Variants in PCDHGA4 observed in about 807,000 individuals in gnomAD.
PCDHGA4 encodes the protein protocadherin gamma-A4.
PCDHGA4 carries 38 observed loss-of-function variants against 54.6 expected under a neutral mutation model. That is an observed-to-expected ratio of 0.70 (90% CI 0.54 to 0.91). PCDHGA4 has a LOEUF of 0.91. PCDHGA4 is among the 40% of genes least tolerant of loss of function. The probability of loss-of-function intolerance (pLI) is 0.00; values close to 1 mark genes in which losing one functional copy is unlikely to be tolerated. For synonymous variants in PCDHGA4, 511 were observed against 512.9 expected (o/e 1.00, Z 0.05); for missense variants, 1,298 against 1,220.9 (o/e 1.06, Z -0.94).
chr5:141,392,622 A>ACTCACAT, intron 1 of PCDHGA4: 1 of 558,650 alleles, frequency 1.8e-6, no homozygotes, highest in Non-Finnish European at 3.0e-6. Context: ...AACCGAAAAC[A>ACTCACAT]CTCAGATCTC....
At position 141,491,305 on chromosome 5, in the gene PCDHGA4, G is replaced by T. The variant is rs1461861151; in HGVS notation, c.2515-3502G>T. 6.2e-7 allele frequency: 1 copy of T among 1,614,176 alleles called. No homozygotes were observed. Among genetic ancestry groups the T allele is most frequent in the African/African-American group, 1.3e-5 (1 of 75,048 alleles). ...CCTCATACACCCTCCTGAGCGTTCA[G>T]ACCTTACCCTTTACCTCATTGTGGC... On this transcript the variant is annotated intron_variant, in intron 1 of 3. Coordinates refer to ENST00000571252, the MANE Select transcript of PCDHGA4 (RefSeq NM_018917.4). This position sits in a 1 kb window ranked among gnomAD's most constrained non-coding sequence, Gnocchi z 6.9.
chr5:141,393,947 G>C, intron 1 of PCDHGA4: 1 of 1,613,972 alleles, frequency 6.2e-7, no homozygotes, highest in South Asian at 1.1e-5. Context: ...ACTCTGGAAA[G>C]AATGGTCAAG....
At chr5:141,414,919 G>A (rs2095801962) in intron 1 of PCDHGA4, 2 of 1,614,050 alleles carry the variant, frequency 1.2e-6, no homozygotes, top group African/African-American at 2.7e-5. Context: ...CGTGGAGCTG[G>A]CGCCCCGCTC....
chr5:141,399,831 TG>T (rs1368149251), intron 1 of PCDHGA4: 1 of 1,613,172 alleles, frequency 6.2e-7, no homozygotes, highest in South Asian at 1.1e-5. Flanking sequence ...CCGACGGCTC[TG>T]CGCTCTTCGA....
At chr5:141,400,279 G>C (rs1561676065) in intron 1 of PCDHGA4, 1 of 1,614,050 alleles carries the variant, frequency 6.2e-7, no homozygotes, top group African/African-American at 1.3e-5. Context: ...CTCCAGCCCT[G>C]CCGCCTGGAG....
chr5:141,413,841 T>G, intron 1 of PCDHGA4: 1 of 1,613,060 alleles, frequency 6.2e-7, no homozygotes, highest in Non-Finnish European at 8.5e-7. Context: ...CCGACGGGGG[T>G]GACCCTCTCC....
intron 1 of PCDHGA4, chr5:141,375,643 C>T (rs1443985601): frequency 1.9e-6 from 3 of 1,614,092 alleles, no homozygotes; most frequent in Admixed American, 3.3e-5. Flanking sequence ...TGCGCTCCTT[C>T]GACTATGAGC....
intron 1 of PCDHGA4, among the ~76,000 whole-genome samples, chr5:141,457,594 TA>T (rs1239366532): frequency 6.6e-6 from 1 of 152,250 alleles, no homozygotes; most frequent in Non-Finnish European, 1.5e-5. Flanking sequence ...TCATTTTTGG[TA>T]AAAACTAATT....
At chr5:141,506,188 C>T (rs925159785) in intron 3 of PCDHGA4, among the ~76,000 whole-genome samples, 2 of 152,058 alleles carry the variant, frequency 1.3e-5, no homozygotes, top group African/African-American at 4.8e-5. Flanking sequence ...TGGTGGCTCA[C>T]GCCTGTAATC....
At chr5:141,462,800 A>C (rs1039129881) in intron 1 of PCDHGA4, among the ~76,000 whole-genome samples, 2 of 152,128 alleles carry the variant, frequency 1.3e-5, no homozygotes, top group Non-Finnish European at 2.9e-5. Flanking sequence ...TTGCATGTCT[A>C]ATAATGTTTT....
At chr5:141,371,868 G>C (rs755178809) in intron 1 of PCDHGA4, 2 of 1,613,510 alleles carry the variant, frequency 1.2e-6, no homozygotes, top group Non-Finnish European at 8.5e-7. Flanking sequence ...CTACTACATC[G>C]TGGCCAGTGA....
intron 1 of PCDHGA4, chr5:141,372,625 G>T: frequency 6.2e-7 from 1 of 1,614,000 alleles, no homozygotes; most frequent in Non-Finnish European, 8.5e-7. Flanking sequence ...CCCACCTACA[G>T]CGAAAGGACT....
chr5:141,398,842 C>T (rs2093712910), intron 1 of PCDHGA4: 2 of 1,613,974 alleles, frequency 1.2e-6, no homozygotes, highest in Non-Finnish European at 1.7e-6. Flanking sequence ...CAATGATAAT[C>T]CCCCGGTATT....
chr5:141,414,938 C>G (rs1407853248), intron 1 of PCDHGA4: 1 of 1,614,116 alleles, frequency 6.2e-7, no homozygotes, highest in Admixed American at 1.7e-5. Flanking sequence ...TCCGCAGAGC[C>G]CGGCTACCTG....
At chr5:141,433,358 C>CTAT (rs2097585632) in intron 1 of PCDHGA4, 108 of 504,044 alleles carry the variant, frequency 2.1e-4, no homozygotes, top group African/African-American at 2.0e-3. Flanking sequence ...CTACTGTCTG[C>CTAT]CTATCTATCT....
intron 1 of PCDHGA4, chr5:141,421,067 T>G: frequency 1.4e-5 from 8 of 591,772 alleles, no homozygotes; most frequent in Non-Finnish European, 2.3e-5. Flanking sequence ...CAAAGCGGAA[T>G]GAGATGGATA....
chr5:141,399,012 A>G (rs767195686), intron 1 of PCDHGA4: 7 of 1,613,946 alleles, frequency 4.3e-6, no homozygotes, highest in Admixed American at 3.3e-5. Context: ...CAAAGAGCGG[A>G]GAAATTACCA....
At chr5:141,428,836 C>T (rs926107154) in intron 1 of PCDHGA4, 1 of 150,686 alleles carries the variant, frequency 6.6e-6, no homozygotes, top group African/African-American at 2.5e-5. Context: ...ATTTTTGAAA[C>T]ATTTTCACCA....
intron 1 of PCDHGA4, chr5:141,389,105 T>C (rs1394118929): frequency 1.9e-6 from 3 of 1,614,018 alleles, no homozygotes; most frequent in East Asian, 2.2e-5. Context: ...CAGATGCTGT[T>C]CTAGACCGCG....
Sources: gnomAD v4.1 joint callset for allele counts (sites outside exome capture counted in the v4.1 genomes callset) on GRCh38, gnomAD v4.1.1 for gene constraint, Gnocchi (gnomAD v3.1) non-coding constraint, MANE v1.5 for transcripts, NCBI Gene and HGNC (gene_info 2026-07-23, HGNC 2026-07-21) for gene names.